ASXL3: variants seen among roughly 807,000 people sequenced by gnomAD.
ASXL3 encodes the protein ASXL transcriptional regulator 3, also known as putative Polycomb group protein ASXL3.
Under a neutral mutation model 170.6 loss-of-function variants are expected in ASXL3, and 34 were observed. That is an observed-to-expected ratio of 0.20 (90% CI 0.15 to 0.27). The LOEUF (loss-of-function observed/expected upper bound fraction) is 0.27. Ranked by LOEUF, ASXL3 falls within the 10% of genes least tolerant of loss-of-function variation. The pLI is 1.00. For missense variants in ASXL3, 2,592 were observed against 2,695.3 expected (o/e 0.96, Z 0.85); for synonymous variants, 1,002 against 989.1 (o/e 1.01, Z -0.24).
chr18:33,723,763 T>A (rs926504077), intron 8 of ASXL3, among the ~76,000 whole-genome samples: 3 of 152,092 alleles, frequency 2.0e-5, no homozygotes, highest in African/African-American at 7.2e-5. Context: ...TACAGATAAG[T>A]TTTTTGGGAA....
In ASXL3 at chr18:33,744,598, C is replaced by G. The variant is rs755390840; in HGVS notation, c.4750C>G (p.Arg1584Gly). 6.2e-7 allele frequency: 1 copy of G among 1,608,934 alleles called. No individual in the cohort carries two copies. Among genetic ancestry groups the G allele is most frequent in the African/African-American group, 1.3e-5 (1 of 74,852 alleles). ...CAGTCATAACTTTGCTGAGCAGGCACGTGGCCCAGCTCCTTTCAAAAGTGA... is the reference window on the plus strand; with the variant it reads ...CAGTCATAACTTTGCTGAGCAGGCAGGTGGCCCAGCTCCTTTCAAAAGTGA... ...APSHNFAEQARGPAPFKSEAD... is the reference protein window; with the variant it reads ...APSHNFAEQAGGPAPFKSEAD... Residue 1584 changes from arginine (R) to glycine (G), a missense_variant, in exon 12 of 12, where the codon CGT (arginine) becomes GGT (glycine). By Grantham distance (125) the Arg-to-Gly change is moderately radical. Transcript: ENST00000269197.
chr18:33,745,557 G>C lies in ASXL3; in HGVS notation c.5709G>C (p.Ser1903=), dbSNP rs367848609. The stretch of plus-strand genomic sequence containing the variant: ...AACAGCAAAAGCGGCTGCTCCCCTC[G>C]TGTAGCTTCCAGCAGAACCTATTTC... The part of the protein sequence containing the change: ...EVKQQKRLLP[S]CSFQQNLFHV... Residue 1903 remains serine (S), a synonymous_variant, in exon 12 of 12, where the codon TCG becomes TCC. Coordinates refer to ENST00000269197, the MANE Select transcript of ASXL3 (RefSeq NM_030632.3). 4.1e-5 allele frequency: 66 copies of C among 1,613,944 alleles called. No individual in the cohort carries two copies. The highest frequency in any genetic ancestry group is 3.3e-4 in the African/African-American group (25 of 75,026).
chr18:33,579,467 C>T (rs1188014971), intron 1 of ASXL3, among the ~76,000 whole-genome samples: 1 of 152,122 alleles, frequency 6.6e-6, no homozygotes, highest in Non-Finnish European at 1.5e-5. Flanking sequence ...GGCGGTGTTA[C>T]TTGGCTGCTT....
intron 2 of ASXL3, among the ~76,000 whole-genome samples, chr18:33,624,590 C>G (rs552937138): frequency 6.6e-6 from 1 of 152,054 alleles, no homozygotes; most frequent in East Asian, 1.9e-4. Context: ...AGTAGTATCC[C>G]GACAGTATTT....
intron 4 of ASXL3, among the ~76,000 whole-genome samples, chr18:33,657,125 A>G (rs1599455156): frequency 6.6e-6 from 1 of 152,104 alleles, no homozygotes; most frequent in East Asian, 1.9e-4. Flanking sequence ...AAGCATGGCT[A>G]GGGGAGGAGC....
intron 7 of ASXL3, among the ~76,000 whole-genome samples, chr18:33,673,225 C>T (rs896403243): frequency 3.9e-5 from 6 of 152,158 alleles, no homozygotes; most frequent in Admixed American, 3.9e-4. Flanking sequence ...AAAACAGCTA[C>T]CAACCTCTGT....
intron 2 of ASXL3, chr18:33,625,957 G>A (rs909004882): frequency 2.0e-5 from 3 of 152,052 alleles, no homozygotes; most frequent in Admixed American, 6.6e-5. Context: ...ACTTAATTTT[G>A]TTTTAGATGT....
rs1018829283 is a variant in ASXL3 at position 33,716,397 on chromosome 18, C to T, written c.880-15571C>T. 8.4e-4 allele frequency among the ~76,000 whole-genome samples: 128 copies of T among 152,296 alleles called. 1 individual carries two copies. Among genetic ancestry groups the T allele is most frequent in the Non-Finnish European group, 3.7e-4 (25 of 68,014 alleles). On this transcript the variant is annotated intron_variant, in intron 8 of 11. Transcript: ENST00000269197. ...ATAGTGTTTCCCAAACTTCATTGAT[C>T]TTAAAATCCTTTATTTCCTTAGGAA...
intron 2 of ASXL3, among the ~76,000 whole-genome samples, chr18:33,617,367 C>G (rs113969025): frequency 1.3e-5 from 2 of 151,834 alleles, no homozygotes; most frequent in South Asian, 2.1e-4. Flanking sequence ...GGCCTGCACC[C>G]GTAATCCCAG....
At chr18:33,633,843 C>CAAAAAAAAAAAAA (rs59859337) in intron 2 of ASXL3, among the ~76,000 whole-genome samples, 1 of 86,942 alleles carries the variant, frequency 1.2e-5, no homozygotes, top group Non-Finnish European at 2.4e-5. Context: ...GACTCCATCT[C>CAAAAAAAAAAAAA]AAAAAAAAAA....
At chr18:33,710,327 G>A (rs1205541122) in intron 8 of ASXL3, among the ~76,000 whole-genome samples, 4 of 152,108 alleles carry the variant, frequency 2.6e-5, no homozygotes, top group Non-Finnish European at 4.4e-5. Flanking sequence ...TCCCCCACTT[G>A]TACCTTGTAT....
Position 33,740,018 on chromosome 18 carries a change from A to G in ASXL3, c.2614A>G (p.Thr872Ala), listed in dbSNP as rs750099855. Residue 872 changes from threonine to alanine, a missense_variant, in exon 11 of 12, where the codon ACA becomes GCA. By Grantham distance (58) the Thr-to-Ala change is moderately conservative. This residue lies in a region of ASXL3 where 2,246 missense variants were observed against 2,219.6 expected (regional missense o/e 1.01). Transcript: ENST00000269197. ...TAAAAATCATAGCGTCCTGCAAAGA[A>G]CAGAAAAAAAAGTGTTACCTTCACC... ...KVKNHSVLQR[T>A]EKKVLPSPLE... is the part of the protein sequence containing the mutation. 6.2e-7 allele frequency: 1 copy of G among 1,613,908 alleles called. No homozygotes were observed. The highest frequency in any genetic ancestry group is 2.2e-5 in the East Asian group (1 of 44,892).
At chr18:33,716,354 C>T (rs1352876622) in intron 8 of ASXL3, among the ~76,000 whole-genome samples, 1 of 152,194 alleles carries the variant, frequency 6.6e-6, no homozygotes, top group African/African-American at 2.4e-5. Context: ...GTGAAGAAAA[C>T]ATTTAAACTT....
At chr18:33,736,845 G>T (rs569219295) in intron 10 of ASXL3, among the ~76,000 whole-genome samples, 3 of 152,018 alleles carry the variant, frequency 2.0e-5, no homozygotes, top group Non-Finnish European at 4.4e-5. Flanking sequence ...CTATTTTTCC[G>T]TGAAAATAAG....
At chr18:33,730,340 C>T (rs538289135) in intron 8 of ASXL3, among the ~76,000 whole-genome samples, 1 of 152,202 alleles carries the variant, frequency 6.6e-6, no homozygotes, top group Non-Finnish European at 1.5e-5. Flanking sequence ...ACTTCTAATC[C>T]CACAGAGACT....
intron 1 of ASXL3, among the ~76,000 whole-genome samples, chr18:33,585,034 T>A (rs1024208678): frequency 6.6e-6 from 1 of 152,090 alleles, no homozygotes; most frequent in Non-Finnish European, 1.5e-5. Flanking sequence ...CAAGCCTATG[T>A]CATACTTATT....
rs548822144 is a variant in ASXL3 at position 33,700,510 on chromosome 18, A to T, written c.879+16942A>T. Reference sequence around the variant, plus strand: ...TCATGTACTGGTAGTGCTAGGTAGGATGAGGGTAGGGAGGAAGGTAAGAAG... The same window carrying T: ...TCATGTACTGGTAGTGCTAGGTAGGTTGAGGGTAGGGAGGAAGGTAAGAAG... On this transcript the variant is annotated intron_variant, in intron 8 of 11. Coordinates refer to ENST00000269197, the MANE Select transcript of ASXL3 (RefSeq NM_030632.3). Among the ~76,000 whole-genome samples the T allele has an allele frequency of 3.3e-5, 5 of 151,976 alleles. No homozygotes were observed. In the South Asian group the frequency reaches 1.0e-3, roughly 32 times the overall value.
chr18:33,701,344 G>C (rs568770812), intron 8 of ASXL3, among the ~76,000 whole-genome samples: 1 of 152,078 alleles, frequency 6.6e-6, no homozygotes, highest in Admixed American at 6.6e-5. Flanking sequence ...ATGGAATTTT[G>C]ATAGGAATTG....
intron 4 of ASXL3, 40 bp from the exon 5 acceptor site, chr18:33,661,576 A>C: frequency 1.9e-6 from 3 of 1,561,590 alleles, no homozygotes; most frequent in Non-Finnish European, 2.6e-6. Flanking sequence ...ATAAAAAAGG[A>C]ATTCAAATTA....
Sources: gnomAD v4.1 joint callset for allele counts (sites outside exome capture counted in the v4.1 genomes callset) on GRCh38, gnomAD v4.1.1 for gene constraint, gnomAD v4.1.1 regional missense constraint, MANE v1.5 for transcripts, NCBI Gene and HGNC (gene_info 2026-07-23, HGNC 2026-07-21) for gene names.